The following PREX1 variants were observed in gnomAD, a reference collection of about 807,000 sequenced individuals.
PREX1 encodes the protein phosphatidylinositol-3,4,5-trisphosphate dependent Rac exchange factor 1.
PREX1 carries 41 observed loss-of-function variants against 198.3 expected under a neutral mutation model. The observed-to-expected ratio is 0.21, with a 90% CI of 0.16 to 0.27. PREX1 has a LOEUF of 0.27. PREX1 is among the 10% of genes least tolerant of loss of function. The pLI, the probability that PREX1 is intolerant of heterozygous loss-of-function variation, is 1.00. For synonymous variants in PREX1, 843 were observed against 887.2 expected, an observed-to-expected ratio of 0.95 and a Z score of 0.89; for missense variants, 1,620 against 2,200.7, an observed-to-expected ratio of 0.74 and a Z score of 5.28.
intron 1 of PREX1, among the ~76,000 whole-genome samples, chr20:48,767,435 G>A (rs749616264): frequency 6.6e-6 from 1 of 152,162 alleles, no homozygotes; most frequent in Non-Finnish European, 1.5e-5. Flanking sequence ...GGAAGATGGA[G>A]GTTCTGGTGT....
chr20:48,649,096 G>A (rs2089471985), intron 25 of PREX1, among the ~76,000 whole-genome samples: 1 of 152,164 alleles, frequency 6.6e-6, no homozygotes, highest in Non-Finnish European at 1.5e-5. Context: ...AGCAATGTCT[G>A]AAGACATTTT....
rs894964815 is a variant in PREX1 at position 48,753,976 on chromosome 20, T to G, written c.220-6096A>C. ...TCATCTCCCTCACTAAAGTATCAGCTCCCTCAGGGCAGAAGTCAATTTCCT... is the reference window on the plus strand; with the variant it reads ...TCATCTCCCTCACTAAAGTATCAGCGCCCTCAGGGCAGAAGTCAATTTCCT... On this transcript the variant is annotated intron_variant, in intron 1 of 39. Transcript: ENST00000371941. Among the ~76,000 whole-genome samples the G allele has an allele frequency of 3.9e-5, 6 of 152,222 alleles. No individual in the cohort carries two copies. The East Asian group carries it at 9.6e-4, about 24-fold the overall frequency.
rs576518731 is a variant in PREX1 at position 48,721,285 on chromosome 20, A to G, written c.621+5005T>C. Among the ~76,000 whole-genome samples, 25 of 152,318 alleles carry G rather than the reference A, an allele frequency of 1.6e-4. No homozygotes were observed. The East Asian group carries it at 4.6e-3, about 28-fold the overall frequency. On this transcript the variant is annotated intron_variant, in intron 5 of 39. Coordinates refer to ENST00000371941, the MANE Select transcript of PREX1 (RefSeq NM_020820.4). ...CAATCAGGACACCAAGCGTCCCAGG[A>G]CAGAATGTGAGCCAGCGAGCAGTGC...
At chr20:48,699,367 G>C (rs2089863055) in intron 7 of PREX1, among the ~76,000 whole-genome samples, 1 of 152,136 alleles carries the variant, frequency 6.6e-6, no homozygotes, top group Non-Finnish European at 1.5e-5. Context: ...TTTGAAAAGT[G>C]CTGCAGGGGT....
chr20:48,784,564 T>C (rs910202964), intron 1 of PREX1, among the ~76,000 whole-genome samples: 2 of 152,206 alleles, frequency 1.3e-5, no homozygotes, highest in Admixed American at 1.3e-4. Flanking sequence ...GTAACAATTA[T>C]TCTGTGACAG....
chr20:48,830,009 AT>A (rs1600541458), upstream of PREX1, among the ~76,000 whole-genome samples: 2 of 152,262 alleles, frequency 1.3e-5, no homozygotes, highest in East Asian at 3.9e-4. Context: ...ATTTCAGGAC[AT>A]TTAGCCGCGT....
At chr20:48,627,812 A>G in intron 38 of PREX1, 49 bp downstream of exon 38, 1 of 1,555,742 alleles carries the variant, frequency 6.4e-7, no homozygotes, top group East Asian at 2.3e-5. Flanking sequence ...CAAGCATGCC[A>G]CGCCCTCAGC....
the PREX1 span, among the ~76,000 whole-genome samples, chr20:48,882,342 A>G: frequency 6.6e-6 from 1 of 151,718 alleles, no homozygotes; most frequent in Non-Finnish European, 1.5e-5. Flanking sequence ...CTCTACTAAA[A>G]ATACAAAAAA....
intron 7 of PREX1, among the ~76,000 whole-genome samples, chr20:48,695,826 G>A (rs1382211216): frequency 1.3e-5 from 2 of 152,142 alleles, no homozygotes; most frequent in African/African-American, 2.4e-5. Context: ...CACATTTTCA[G>A]TTTTGTAGGC....
the PREX1 span, among the ~76,000 whole-genome samples, chr20:48,875,683 A>T: frequency 6.6e-6 from 1 of 152,202 alleles, no homozygotes; most frequent in South Asian, 2.1e-4. Flanking sequence ...ATGGAGTTTG[A>T]AAAAGGCACA....
chr20:48,789,450 GT>G (rs10708200), intron 1 of PREX1, among the ~76,000 whole-genome samples: 94,493 of 151,984 alleles, frequency 0.62, 30,556 homozygotes, highest in African/African-American at 0.81. Flanking sequence ...CGTTCATATG[GT>G]TATCTCATTT....
chr20:48,758,693 G>A (rs993397861), intron 1 of PREX1, among the ~76,000 whole-genome samples: 3 of 152,242 alleles, frequency 2.0e-5, no homozygotes, highest in Admixed American at 1.3e-4. Flanking sequence ...CAGGTTTCAC[G>A]TGGAGCAGAC....
At chr20:48,811,622 ACCCCCC>A (rs145554231) in intron 1 of PREX1, among the ~76,000 whole-genome samples, 41 of 120,548 alleles carry the variant, frequency 3.4e-4, no homozygotes, top group African/African-American at 1.0e-3. Flanking sequence ...CTGGATACAC[ACCCCCC>A]CACACACACA....
chr20:48,686,410 AG>A (rs1485811865), intron 10 of PREX1, among the ~76,000 whole-genome samples: 8 of 152,330 alleles, frequency 5.3e-5, no homozygotes, highest in African/African-American at 1.9e-4. Flanking sequence ...TTACAAAACA[AG>A]CTGCTATCTT....
intron 1 of PREX1, among the ~76,000 whole-genome samples, chr20:48,751,294 G>A (rs2090132966): frequency 6.6e-6 from 1 of 152,176 alleles, no homozygotes; most frequent in Non-Finnish European, 1.5e-5. Flanking sequence ...CCCCAGACTA[G>A]AGGGAGACAA....
At chr20:48,752,562 T>C (rs2090138634) in intron 1 of PREX1, among the ~76,000 whole-genome samples, 2 of 152,178 alleles carry the variant, frequency 1.3e-5, no homozygotes, top group South Asian at 2.1e-4. Flanking sequence ...CCCTCAGTGA[T>C]GGCCAGCAGG....
intron 1 of PREX1, among the ~76,000 whole-genome samples, chr20:48,811,365 T>C (rs1380171198): frequency 6.6e-6 from 1 of 152,114 alleles, no homozygotes. Flanking sequence ...AACCCACATA[T>C]GAGCCTAACC....
intron 2 of PREX1, among the ~76,000 whole-genome samples, 157 bp from the exon 3 acceptor site, chr20:48,745,304 A>G (rs1422359584): frequency 6.6e-6 from 1 of 152,252 alleles, no homozygotes; most frequent in Non-Finnish European, 1.5e-5. Flanking sequence ...AATCTTTGTA[A>G]TAACAGAAAT....
At chr20:48,670,164 G>T (rs576101941) in intron 14 of PREX1, among the ~76,000 whole-genome samples, 98 of 152,310 alleles carry the variant, frequency 6.4e-4, no homozygotes, top group African/African-American at 2.3e-3. Context: ...ATGGAGAGGG[G>T]AAGTGAGGCT....
Sources: gnomAD v4.1 joint callset for allele counts (sites outside exome capture counted in the v4.1 genomes callset) on GRCh38, gnomAD v4.1.1 for gene constraint, MANE v1.5 for transcripts, NCBI Gene and HGNC (gene_info 2026-07-23, HGNC 2026-07-21) for gene names.